The following REV3L variants were observed in gnomAD, a reference collection of about 807,000 sequenced individuals.
The protein encoded by REV3L is DNA polymerase zeta catalytic subunit.
A neutral mutation model predicts 299.4 loss-of-function variants in REV3L; 69 were observed. The observed-to-expected ratio is 0.23, with a 90% confidence interval of 0.19 to 0.28. The LOEUF (loss-of-function observed/expected upper bound fraction) is 0.28, where lower values mean the gene tolerates loss of function less well. REV3L is among the 10% of genes least tolerant of loss of function. REV3L has a pLI of 1.00. For synonymous variants in REV3L, 1,238 were observed against 1,271.4 expected, an observed-to-expected ratio of 0.97 and a Z score of 0.56; for missense variants, 3,128 against 3,693.8, an observed-to-expected ratio of 0.85 and a Z score of 3.97.
At chr6:111,393,975 G>A (rs2128258307) in intron 4 of REV3L, among the ~76,000 whole-genome samples, 1 of 152,226 alleles carries the variant, frequency 6.6e-6, no homozygotes, top group East Asian at 1.9e-4. Context: ...TAAAAAATAT[G>A]GTAGAATATA....
intron 9 of REV3L, among the ~76,000 whole-genome samples, chr6:111,384,412 T>C (rs1270051601): frequency 6.6e-6 from 1 of 152,084 alleles, no homozygotes; most frequent in Non-Finnish European, 1.5e-5. Flanking sequence ...AAAAATCTAA[T>C]AATCCAATTA....
Position 111,335,490 on chromosome 6 carries a change from A to G in REV3L, c.7659T>C (p.His2553=). ...MARLFGIQFL[H]VLTRGSQYRV... The stretch of plus-strand genomic sequence containing the variant: ...CCACCTGTGAACCCCTTGTCAGTAC[A>G]TGTAAAAACTGAATGCCAAAAAGTC... Residue 2553 remains histidine, a synonymous_variant, in exon 22 of 32, where the codon CAT becomes CAC. Transcript: ENST00000368802. 6.2e-7 allele frequency: 1 copy of G among 1,613,426 alleles called. No individual in the cohort carries two copies. The highest frequency in any genetic ancestry group is 1.7e-5 in the Admixed American group (1 of 59,920).
At chr6:111,432,857 C>T (rs560734632) in intron 1 of REV3L, among the ~76,000 whole-genome samples, 2 of 152,194 alleles carry the variant, frequency 1.3e-5, no homozygotes, top group South Asian at 4.1e-4. Context: ...TCTTCTCTGG[C>T]CACAATGGAA....
chr6:111,321,979 G>T (rs1774240289), intron 26 of REV3L, among the ~76,000 whole-genome samples: 1 of 152,190 alleles, frequency 6.6e-6, no homozygotes, highest in Non-Finnish European at 1.5e-5. Flanking sequence ...ATGCAAGCTG[G>T]TGTTAATAAC....
At chr6:111,420,476 T>G (rs6915753) in intron 1 of REV3L, among the ~76,000 whole-genome samples, 1 of 152,062 alleles carries the variant, frequency 6.6e-6, no homozygotes, top group African/African-American at 2.4e-5. Context: ...TCATGTCTAG[T>G]TGAAACTTCA....
At chr6:111,417,669 CTG>C (rs1784914618) in intron 1 of REV3L, among the ~76,000 whole-genome samples, 1 of 152,202 alleles carries the variant, frequency 6.6e-6, no homozygotes, top group South Asian at 2.1e-4. Flanking sequence ...TAGTTCTACA[CTG>C]TGTTGATATC....
At chr6:111,318,236 TACC>T (rs540994977) in intron 26 of REV3L, among the ~76,000 whole-genome samples, 173 of 151,922 alleles carry the variant, frequency 1.1e-3, no homozygotes, top group African/African-American at 3.9e-3. Context: ...TACAGGGGCC[TACC>T]ACCACGCCCG....
At chr6:111,337,321 T>C (rs1271856194) in intron 21 of REV3L, among the ~76,000 whole-genome samples, 2 of 152,208 alleles carry the variant, frequency 1.3e-5, no homozygotes, top group Non-Finnish European at 2.9e-5. Context: ...CTAAACTCTA[T>C]AAATGTTTAA....
rs558715736 is a variant in REV3L at position 111,364,630 on chromosome 6, A to T, written c.6753+635T>A. Among the ~76,000 whole-genome samples, 20 of 152,144 alleles carry T rather than the reference A, an allele frequency of 1.3e-4. No individual in the cohort carries two copies. The South Asian group carries it at 4.1e-3, about 31-fold the overall frequency. On this transcript the variant is annotated intron_variant, in intron 15 of 31. Coordinates refer to ENST00000368802, the MANE Select transcript of REV3L (RefSeq NM_001372078.1). ...TAAAAAGTTTGATAATCTCAGAAATATTAAAATATATTTTATGTAGTTAAT... is the reference window on the plus strand; with the variant it reads ...TAAAAAGTTTGATAATCTCAGAAATTTTAAAATATATTTTATGTAGTTAAT...
In REV3L at chr6:111,358,952, C is replaced by T. The variant is rs1301127928; in HGVS notation, c.6942G>A (p.Pro2314=). Residue 2314 remains proline, a synonymous_variant, in exon 17 of 32, where the codon CCG becomes CCA. Transcript: ENST00000368802. ...CACAGATTGGGTCAAATTCAGGATC[C>T]GGTTCTAAGTCTCGTCTAGTTCGAG... is the stretch of plus-strand genomic sequence containing the variant. ...LHARTRRDLE[P]DPEFDPICAL... is the part of the protein sequence containing the mutation. 3.7e-6 allele frequency: 6 copies of T among 1,613,986 alleles called. No individual in the cohort carries two copies. The highest frequency in any genetic ancestry group is 2.2e-5 in the South Asian group (2 of 91,066).
rs1175360853 is a variant in REV3L, at chr6:111,329,650, T to C, written c.8123A>G (p.Lys2708Arg). The change falls in exon 25 of 32, where the codon AAG (lysine) becomes AGG (arginine). Residue 2708 changes from lysine (K) to arginine (R), a missense_variant. Physicochemically the swap from Lys to Arg is conservative, Grantham distance 26. Coordinates refer to ENST00000368802, the MANE Select transcript of REV3L (RefSeq NM_001372078.1). ...FMVKQSMKAYKQDRALSRMLD... is the reference protein window; with the variant it reads ...FMVKQSMKAYRQDRALSRMLD... Reference sequence around the variant, plus strand: ...CATTCGTGACAGGGCTCTGTCTTGCTTGTAAGCCTTCATTGACTGCTTCAC... The same window carrying C: ...CATTCGTGACAGGGCTCTGTCTTGCCTGTAAGCCTTCATTGACTGCTTCAC... 7.4e-6 allele frequency: 12 copies of C among 1,614,146 alleles called. No homozygotes were observed. Among genetic ancestry groups the C allele is most frequent in the Non-Finnish European group, 1.0e-5 (12 of 1,180,030 alleles).
At chr6:111,478,118 A>T (rs1254424369) in intron 1 of REV3L, among the ~76,000 whole-genome samples, 2 of 152,170 alleles carry the variant, frequency 1.3e-5, no homozygotes, top group Non-Finnish European at 2.9e-5. Flanking sequence ...CTCTATCTGA[A>T]ATTTTAAGTT....
rs778586865 is a variant in REV3L, at chr6:111,307,355, CTG to C, written c.9252+4_9252+5del. 9 of 1,613,208 alleles carry C rather than the reference CTG, an allele frequency of 5.6e-6. No homozygotes were observed. In the South Asian group the frequency reaches 9.9e-5, roughly 18 times the overall value. ...GTGATTCTGGGCCCATGGAACAAAA[CTG>C]TACCTTTACAAGTTGCTCCTGTTGA... On this transcript the variant is annotated splice_donor_5th_base_variant and intron_variant, in intron 31 of 31. Coordinates refer to ENST00000368802, the MANE Select transcript of REV3L (RefSeq NM_001372078.1).
chr6:111,303,701 C>CTTTTTTTTTTTTTTTTTTTTTTTT lies in REV3L; in HGVS notation c.9253-3569_9253-3546dup, dbSNP rs58366929. On this transcript the variant is annotated intron_variant, in intron 31 of 31. Coordinates refer to ENST00000368802, the MANE Select transcript of REV3L (RefSeq NM_001372078.1). ...TTTTTTTTTTTTTAACAGACTATGA[C>CTTTTTTTTTTTTTTTTTTTTTTTT]TTTTTTTTTTTTTTTTTTTTTTTTT... Among the ~76,000 whole-genome samples, 2 of 12,642 alleles carry CTTTTTTTTTTTTTTTTTTTTTTTT rather than the reference C, an allele frequency of 1.6e-4. 1 individual carries two copies. Among genetic ancestry groups the CTTTTTTTTTTTTTTTTTTTTTTTT allele is most frequent in the East Asian group, 0.017 (2 of 120 alleles). The allele number at this position is 12,642 out of a possible 152,430, so 8.3% of individuals were successfully genotyped here.
In REV3L at chr6:111,358,897, G is replaced by A. The variant is rs1168695664; in HGVS notation, c.6997C>T (p.Pro2333Ser). The change falls in exon 17 of 32, where the codon CCA becomes TCA. Residue 2333 changes from proline to serine, a missense_variant. Physicochemically the swap from Pro to Ser is moderately conservative, Grantham distance 74 (BLOSUM62 -1). Coordinates refer to ENST00000368802, the MANE Select transcript of REV3L (RefSeq NM_001372078.1). ...TCTGTTTTTTCTGTATCTGGCAGTG[G>A]AGTGTCAGATGAGATGCAGTAGAAC... is the stretch of plus-strand genomic sequence containing the variant. ...ALFYCISSDT[P>S]LPDTEKTELT... The A allele has an allele frequency of 6.2e-7, 1 of 1,614,002 alleles. No individual in the cohort carries two copies. The highest frequency in any genetic ancestry group is 8.5e-7 in the Non-Finnish European group (1 of 1,179,898).
chr6:111,372,518 T>C (rs971925213), intron 13 of REV3L, 78 bp downstream of exon 13: 10 of 1,150,956 alleles, frequency 8.7e-6, no homozygotes, highest in Admixed American at 2.8e-5. Flanking sequence ...CATACATTCT[T>C]TTTTTTTCAA....
At position 111,447,873 on chromosome 6, in the gene REV3L, G is replaced by A. The variant is rs1405078971; in HGVS notation, c.140-31401C>T. Among the ~76,000 whole-genome samples, 4 of 152,242 alleles carry A rather than the reference G, an allele frequency of 2.6e-5. No homozygotes were observed. The East Asian group carries it at 5.8e-4, about 22-fold the overall frequency. On this transcript the variant is annotated intron_variant, in intron 1 of 31. Transcript: ENST00000368802. ...TAATAAGCAAAAAACTTAACCAAAT[G>A]TCTCTACTACTATACAAACACTGTG...
chr6:111,424,933 G>C (rs1785989277), intron 1 of REV3L, among the ~76,000 whole-genome samples: 1 of 152,152 alleles, frequency 6.6e-6, no homozygotes. Flanking sequence ...TGTCCACCGG[G>C]GGCTTGGAAA....
chr6:111,371,071 A>G (rs976908396), intron 13 of REV3L, among the ~76,000 whole-genome samples: 17 of 151,940 alleles, frequency 1.1e-4, no homozygotes, highest in African/African-American at 3.9e-4. Context: ...TCCAAGATTT[A>G]GACTAAGGCA....
Sources: allele counts gnomAD v4.1 joint callset (sites outside exome capture counted in the v4.1 genomes callset), GRCh38; gene constraint gnomAD v4.1.1; transcripts MANE v1.5; gene names NCBI Gene and HGNC (gene_info 2026-07-23, HGNC 2026-07-21).